ONECUT2: variants seen among roughly 807,000 people sequenced by gnomAD.
The protein encoded by ONECUT2 is one cut domain family member 2.
Under a neutral mutation model 27.9 loss-of-function variants are expected in ONECUT2, and 10 were observed. That is an observed-to-expected ratio of 0.36 (90% CI 0.22 to 0.61). The LOEUF (loss-of-function observed/expected upper bound fraction) is 0.61. ONECUT2 is among the 20% of genes least tolerant of loss of function. ONECUT2 has a pLI of 0.73. For synonymous variants in ONECUT2, 334 were observed against 315.1 expected (o/e 1.06, Z -0.64); for missense variants, 686 against 721.0 (o/e 0.95, Z 0.56).
intron 1 of ONECUT2, among the ~76,000 whole-genome samples, chr18:57,467,568 T>C (rs2050330430): frequency 6.6e-6 from 1 of 152,136 alleles, no homozygotes; most frequent in Non-Finnish European, 1.5e-5. Flanking sequence ...GGTTTCACCA[T>C]GTTATCCAGG....
chr18:57,461,645 A>G (rs1215337639), intron 1 of ONECUT2, among the ~76,000 whole-genome samples: 1 of 152,234 alleles, frequency 6.6e-6, no homozygotes, highest in Non-Finnish European at 1.5e-5. Context: ...CTGCTGAGTA[A>G]CTCTGTGAAA....
rs778570913 is a variant in ONECUT2, at chr18:57,476,447, C to T, written c.1239C>T (p.Arg413=). 3 of 1,613,976 alleles carry T rather than the reference C, an allele frequency of 1.9e-6. No homozygotes were observed. The highest frequency in any genetic ancestry group is 2.5e-6 in the Non-Finnish European group (3 of 1,179,902). The change falls in exon 2 of 2, where the codon CGC becomes CGT. Residue 413 remains arginine, a synonymous_variant. Transcript: ENST00000491143. ...CTCTTTCCCTTCAAGCGTGCAAACGCAAAGAGCAAGAACCAAACAAAGACA... is the reference window on the plus strand; with the variant it reads ...CTCTTTCCCTTCAAGCGTGCAAACGTAAAGAGCAAGAACCAAACAAAGACA... ...MSALRLAACK[R]KEQEPNKDRN...
rs550737504 is a variant in ONECUT2 at position 57,486,531 on chromosome 18, A to G, written c.*9808A>G. On this transcript the variant is annotated 3_prime_UTR_variant, in exon 2 of 2. Transcript: ENST00000491143. ...GAATTTTCTCAGATATACCTCATAG[A>G]CAATAGTGTTTAGAGTAATGTTATT... 2 of 152,674 alleles carry G rather than the reference A, an allele frequency of 1.3e-5. No individual in the cohort carries two copies. The highest frequency in any genetic ancestry group is 1.5e-5 in the Non-Finnish European group (1 of 68,020). The allele number at this position is 152,674 out of a possible 1,614,324, so 9.5% of individuals were successfully genotyped here. A position where few individuals can be genotyped will look rare whatever the true frequency, so the allele number is the denominator to read the frequency against.
At chr18:57,476,196 G>A (rs571159879) in intron 1 of ONECUT2, among the ~76,000 whole-genome samples, 2 of 152,308 alleles carry the variant, frequency 1.3e-5, no homozygotes, top group Admixed American at 6.5e-5. Context: ...ACTGCAGTTA[G>A]CTCAAAACCA....
intron 1 of ONECUT2, among the ~76,000 whole-genome samples, chr18:57,445,261 G>A (rs2050195121): frequency 6.6e-6 from 1 of 152,210 alleles, no homozygotes; most frequent in Non-Finnish European, 1.5e-5. Flanking sequence ...AAACACTGAA[G>A]TCACTTGAAA....
At chr18:57,445,820 C>G (rs546462878) in intron 1 of ONECUT2, among the ~76,000 whole-genome samples, 10 of 152,312 alleles carry the variant, frequency 6.6e-5, no homozygotes, top group African/African-American at 2.4e-4. Context: ...TTTAAAAAAC[C>G]AAAGCAAAGC....
chr18:57,450,162 G>A (rs1001185225), intron 1 of ONECUT2, among the ~76,000 whole-genome samples: 3 of 152,072 alleles, frequency 2.0e-5, no homozygotes, highest in Non-Finnish European at 2.9e-5. Context: ...TCTCTCAAAA[G>A]GGGGTATTCT....
At chr18:57,437,843 A>G (rs1399019152) in intron 1 of ONECUT2, among the ~76,000 whole-genome samples, 1 of 152,212 alleles carries the variant, frequency 6.6e-6, no homozygotes, top group Non-Finnish European at 1.5e-5. Context: ...AGGTGCTGAG[A>G]AATTAAAAAT....
rs1293859347 is a variant in ONECUT2, at chr18:57,481,679, T to C, written c.*4956T>C. The C allele has an allele frequency of 6.6e-6, 1 of 152,206 alleles. No individual in the cohort carries two copies. The highest frequency in any genetic ancestry group is 1.5e-5 in the Non-Finnish European group (1 of 68,040). The allele number at this position is 152,206 out of a possible 1,614,324, so 9.4% of individuals were successfully genotyped here. A position where few individuals can be genotyped will look rare whatever the true frequency, so the allele number is the denominator to read the frequency against. Reference sequence around the variant, plus strand: ...TCATTACCAAAGTGTCATGACAGTATGCCTTTGTAGTGAACTCGGATTTTC... The same window carrying C: ...TCATTACCAAAGTGTCATGACAGTACGCCTTTGTAGTGAACTCGGATTTTC... On this transcript the variant is annotated 3_prime_UTR_variant, in exon 2 of 2. Transcript: ENST00000491143.
chr18:57,443,241 G>A (rs934919885), intron 1 of ONECUT2, among the ~76,000 whole-genome samples: 1 of 152,144 alleles, frequency 6.6e-6, no homozygotes, highest in Admixed American at 6.5e-5. Context: ...GAAATTAGGA[G>A]GGAATAAATA....
intron 1 of ONECUT2, among the ~76,000 whole-genome samples, chr18:57,444,192 A>G (rs1285249383): frequency 6.6e-6 from 1 of 152,216 alleles, no homozygotes; most frequent in Non-Finnish European, 1.5e-5. Context: ...TAGAGCATAA[A>G]TACTTGTGCT....
chr18:57,461,716 A>G (rs1568122320), intron 1 of ONECUT2, among the ~76,000 whole-genome samples: 1 of 152,254 alleles, frequency 6.6e-6, no homozygotes, highest in Non-Finnish European at 1.5e-5. Context: ...TGGGGTATTT[A>G]TCTGGCAGCT....
At chr18:57,438,392 G>A (rs2050155609) in intron 1 of ONECUT2, among the ~76,000 whole-genome samples, 1 of 152,230 alleles carries the variant, frequency 6.6e-6, no homozygotes, top group African/African-American at 2.4e-5. Context: ...GCGGGTCTTG[G>A]GATGCGCGCG....
rs1348047461 is a variant in ONECUT2 at position 57,486,806 on chromosome 18, T to C, written c.*10083T>C. The stretch of plus-strand genomic sequence containing the variant: ...GAAGAAACAATCTGTGTTCATTTGC[T>C]CTGTTGAAAAGAATAATTATTTTCT... On this transcript the variant is annotated 3_prime_UTR_variant, in exon 2 of 2. Transcript: ENST00000491143. The C allele has an allele frequency of 6.6e-6, 1 of 152,628 alleles. No homozygotes were observed. Among genetic ancestry groups the C allele is most frequent in the Non-Finnish European group, 1.5e-5 (1 of 68,036 alleles). The allele number at this position is 152,628 out of a possible 1,614,324, so 9.5% of individuals were successfully genotyped here.
At chr18:57,437,993 T>C (rs1282232295) in intron 1 of ONECUT2, among the ~76,000 whole-genome samples, 3 of 152,242 alleles carry the variant, frequency 2.0e-5, no homozygotes, top group East Asian at 1.9e-4. Context: ...GGTTACATTG[T>C]TCTGGAGCCG....
intron 1 of ONECUT2, among the ~76,000 whole-genome samples, chr18:57,439,906 A>C (rs1221638255): frequency 6.6e-6 from 1 of 152,162 alleles, no homozygotes; most frequent in Non-Finnish European, 1.5e-5. Context: ...GCCGGGGTTT[A>C]GGGGGCTCAG....
At chr18:57,459,724 A>G (rs762093550) in intron 1 of ONECUT2, among the ~76,000 whole-genome samples, 11 of 151,414 alleles carry the variant, frequency 7.3e-5, no homozygotes, top group African/African-American at 2.2e-4. Flanking sequence ...ATGCCTGCCT[A>G]ATTTTTGTAT....
chr18:57,464,818 G>T (rs1291388598), intron 1 of ONECUT2, among the ~76,000 whole-genome samples: 1 of 152,086 alleles, frequency 6.6e-6, no homozygotes, highest in African/African-American at 2.4e-5. Context: ...AGCCACATAG[G>T]GCTGTTGGCC....
intron 1 of ONECUT2, among the ~76,000 whole-genome samples, chr18:57,447,391 G>T (rs1381659948): frequency 1.3e-5 from 2 of 152,348 alleles, no homozygotes; most frequent in East Asian, 3.9e-4. Flanking sequence ...AGCTCTGTAG[G>T]TCTCAGCGCC....
Sources: allele counts gnomAD v4.1 joint callset (sites outside exome capture counted in the v4.1 genomes callset), GRCh38; gene constraint gnomAD v4.1.1; transcripts MANE v1.5; gene names NCBI Gene and HGNC (gene_info 2026-07-23, HGNC 2026-07-21).